ABI1: variants seen among roughly 807,000 people sequenced by gnomAD.
ABI1 encodes the protein Abelson interactor 1.
A neutral mutation model predicts 54.6 loss-of-function variants in ABI1; 14 were observed. That is an observed-to-expected ratio of 0.26 (90% CI 0.17 to 0.40). The LOEUF is 0.40. Ranked by LOEUF, ABI1 falls within the 10% of genes least tolerant of loss-of-function variation. The probability of loss-of-function intolerance (pLI) is 1.00; values close to 1 mark genes in which losing one functional copy is unlikely to be tolerated. For synonymous variants in ABI1, 194 were observed against 209.3 expected, an observed-to-expected ratio of 0.93 and a Z score of 0.63; for missense variants, 443 against 598.3, an observed-to-expected ratio of 0.74 and a Z score of 2.71.
chr10:26,777,277 T>C, intron 2 of ABI1, 36 bp from the exon 3 acceptor site: 2 of 1,531,942 alleles, frequency 1.3e-6, no homozygotes, highest in Non-Finnish European at 1.8e-6. Flanking sequence ...GAAAATATTA[T>C]TTGACATAAT....
chr10:26,762,386 G>T (rs1839349948), intron 7 of ABI1, among the ~76,000 whole-genome samples: 1 of 152,092 alleles, frequency 6.6e-6, no homozygotes, highest in African/African-American at 2.4e-5. Flanking sequence ...ATTGAAGCAG[G>T]TCTAGAAGGG....
At chr10:26,770,555 C>A (rs1356350943) in intron 4 of ABI1, 1 of 721,656 alleles carries the variant, frequency 1.4e-6, no homozygotes, top group Non-Finnish European at 2.6e-6. Flanking sequence ...CACATTGTAG[C>A]CAAATACAGG....
At chr10:26,802,486 G>C (rs2046627302) in intron 2 of ABI1, among the ~76,000 whole-genome samples, 1 of 152,168 alleles carries the variant, frequency 6.6e-6, no homozygotes, top group African/African-American at 2.4e-5. Flanking sequence ...AGAGAAGGCA[G>C]TATCACAAAT....
At position 26,860,436 on chromosome 10, in the gene ABI1, G is replaced by A. The variant is rs1270027878; in HGVS notation, c.117+311C>T. 6.6e-6 allele frequency among the ~76,000 whole-genome samples: 1 copy of A among 152,184 alleles called. No homozygotes were observed. The highest frequency in any genetic ancestry group is 2.4e-5 in the African/African-American group (1 of 41,444). The stretch of plus-strand genomic sequence containing the variant: ...TGGGGGGCGCGCGACCCCGGTGGCC[G>A]GGCCCTGGGGGAAGCGGACGCGAGG... On this transcript the variant is annotated intron_variant, in intron 1 of 10. Coordinates refer to ENST00000376140, the MANE Select transcript of ABI1 (RefSeq NM_001012750.3). This position sits in a 1 kb window ranked among gnomAD's most constrained non-coding sequence, Gnocchi z 4.1.
chr10:26,764,069 C>T, intron 7 of ABI1: 6 of 733,804 alleles, frequency 8.2e-6, no homozygotes, highest in South Asian at 2.0e-5. Context: ...AAAGATACCC[C>T]CATGTAAAGC....
At chr10:26,813,934 T>C (rs1327557261) in intron 2 of ABI1, among the ~76,000 whole-genome samples, 1 of 152,232 alleles carries the variant, frequency 6.6e-6, no homozygotes, top group Non-Finnish European at 1.5e-5. Flanking sequence ...AAAGCCCACG[T>C]AGATCCTCAA....
At chr10:26,765,877 T>G (rs1158893140) in intron 6 of ABI1, among the ~76,000 whole-genome samples, 1 of 152,206 alleles carries the variant, frequency 6.6e-6, no homozygotes, top group African/African-American at 2.4e-5. Flanking sequence ...AAACCATCTC[T>G]GTTGAAATAT....
At chr10:26,773,846 G>A (rs994561718) in intron 3 of ABI1, among the ~76,000 whole-genome samples, 34 of 152,246 alleles carry the variant, frequency 2.2e-4, no homozygotes, top group African/African-American at 7.7e-4. Flanking sequence ...CATGTCTCCT[G>A]TGGTCTGAAG....
intron 2 of ABI1, among the ~76,000 whole-genome samples, chr10:26,779,692 T>C (rs1291185996): frequency 3.3e-5 from 5 of 152,230 alleles, no homozygotes; most frequent in African/African-American, 1.2e-4. Context: ...GGCATTTTGC[T>C]GGCTATCTTA....
intron 2 of ABI1, among the ~76,000 whole-genome samples, chr10:26,811,754 CAAAGATTTGTATAAATT>C (rs1564529170): frequency 0.083 from 2,289 of 27,660 alleles, 53 homozygotes; most frequent in African/African-American, 0.15. Flanking sequence ...TAAATTTATG[CAAAGATTTGTATAAATT>C]TGTATAAATT....
intron 1 of ABI1, among the ~76,000 whole-genome samples, chr10:26,845,391 G>A (rs766607495): frequency 7.2e-5 from 11 of 151,922 alleles, no homozygotes; most frequent in Non-Finnish European, 1.0e-4. Context: ...ACCTATAATC[G>A]CAGCACTTTG....
chr10:26,816,561 G>GA (rs1363880492), intron 2 of ABI1, among the ~76,000 whole-genome samples: 1 of 152,086 alleles, frequency 6.6e-6, no homozygotes, highest in African/African-American at 2.4e-5. Flanking sequence ...CCAAGGCACA[G>GA]AAAAAAATGT....
chr10:26,781,407 T>G (rs1014994309), intron 2 of ABI1, among the ~76,000 whole-genome samples: 2 of 152,250 alleles, frequency 1.3e-5, no homozygotes, highest in Non-Finnish European at 2.9e-5. Flanking sequence ...TTCTGCCACC[T>G]AAACCAAATC....
At chr10:26,778,839 T>C (rs1301495879) in intron 2 of ABI1, among the ~76,000 whole-genome samples, 1 of 152,192 alleles carries the variant, frequency 6.6e-6, no homozygotes, top group Non-Finnish European at 1.5e-5. Flanking sequence ...AGAAAGGTTT[T>C]CTGCCCATTA....
intron 1 of ABI1, among the ~76,000 whole-genome samples, chr10:26,831,596 GATCTA>G (rs2048681817): frequency 6.6e-6 from 1 of 152,060 alleles, no homozygotes; most frequent in South Asian, 2.1e-4. Flanking sequence ...TATGATCTAA[GATCTA>G]ATCAAAGATT....
chr10:26,784,030 T>C (rs1842444292), intron 2 of ABI1, among the ~76,000 whole-genome samples: 1 of 152,170 alleles, frequency 6.6e-6, no homozygotes, highest in African/African-American at 2.4e-5. Context: ...CAACCCTGTC[T>C]GGCACCTGTG....
At chr10:26,778,678 C>A (rs986448875) in intron 2 of ABI1, among the ~76,000 whole-genome samples, 1 of 152,112 alleles carries the variant, frequency 6.6e-6, no homozygotes, top group Non-Finnish European at 1.5e-5. Flanking sequence ...GAGTATCTAT[C>A]ATTTCTGTAC....
intron 2 of ABI1, among the ~76,000 whole-genome samples, chr10:26,783,619 T>C (rs1483845575): frequency 6.6e-6 from 1 of 152,212 alleles, no homozygotes; most frequent in African/African-American, 2.4e-5. Flanking sequence ...TGACCATTCC[T>C]AAACATGATG....
chr10:26,766,880 TATAA>T (rs1199208180), intron 6 of ABI1, among the ~76,000 whole-genome samples: 1 of 152,246 alleles, frequency 6.6e-6, no homozygotes, highest in Non-Finnish European at 1.5e-5. Context: ...ATGTCAGTGC[TATAA>T]ATAAAGTTTT....
Sources: gnomAD v4.1 joint callset for allele counts (sites outside exome capture counted in the v4.1 genomes callset) on GRCh38, gnomAD v4.1.1 for gene constraint, Gnocchi (gnomAD v3.1) non-coding constraint, MANE v1.5 for transcripts, NCBI Gene and HGNC (gene_info 2026-07-23, HGNC 2026-07-21) for gene names.